The following ABCB1 variants were observed in gnomAD, a reference collection of about 807,000 sequenced individuals.
The protein encoded by ABCB1 is ATP-dependent translocase ABCB1.
In ABCB1, 69 loss-of-function variants were observed where a neutral mutation model predicts 142.0. The ratio of observed to expected loss-of-function variants is 0.49; its 90% CI spans 0.40 to 0.59. ABCB1 has a LOEUF of 0.59. Ranked by LOEUF, ABCB1 falls within the 20% of genes least tolerant of loss-of-function variation. The pLI is 0.00. For missense variants in ABCB1, 1,326 were observed against 1,554.7 expected (o/e 0.85, Z 2.47); for synonymous variants, 532 against 539.2 (o/e 0.99, Z 0.18).
At chr7:87,689,983 T>C (rs1400726646) in intron 1 of ABCB1, among the ~76,000 whole-genome samples, 2 of 151,732 alleles carry the variant, frequency 1.3e-5, no homozygotes, top group Non-Finnish European at 2.9e-5. Context: ...CTGTCATAGA[T>C]TTTTTTTTAA....
chr7:87,631,861 A>T (rs542152354), intron 1 of ABCB1, among the ~76,000 whole-genome samples: 1 of 152,308 alleles, frequency 6.6e-6, no homozygotes, highest in Admixed American at 6.5e-5. Flanking sequence ...TCTGTAAAAT[A>T]ATATTGGACT....
At chr7:87,658,898 G>C (rs529143389) in intron 1 of ABCB1, among the ~76,000 whole-genome samples, 18 of 152,242 alleles carry the variant, frequency 1.2e-4, no homozygotes, top group African/African-American at 4.1e-4. Context: ...ATAAAAGAAA[G>C]AACTTTAGGC....
intron 25 of ABCB1, among the ~76,000 whole-genome samples, chr7:87,509,819 A>G (rs1814926077): frequency 6.6e-6 from 1 of 152,210 alleles, no homozygotes; most frequent in Non-Finnish European, 1.5e-5. Flanking sequence ...AGTAGATGTA[A>G]GGTTGCTAAT....
At position 87,555,405 on chromosome 7, in the gene ABCB1, C is replaced by T; in HGVS notation, c.828-1473G>A. ...TCACAACTATATAAATATTATATAG[C>T]ATTATATTAATTTCCTTTGGAGAAC... On this transcript the variant is annotated intron_variant, in intron 8 of 27. Transcript: ENST00000622132. Among the ~76,000 whole-genome samples the T allele has an allele frequency of 2.0e-5, 3 of 152,216 alleles. No individual in the cohort carries two copies. The East Asian group carries it at 5.8e-4, about 29-fold the overall frequency.
chr7:87,569,208 C>T (rs1817926953), intron 5 of ABCB1, among the ~76,000 whole-genome samples: 1 of 151,906 alleles, frequency 6.6e-6, no homozygotes, highest in African/African-American at 2.4e-5. Flanking sequence ...TGACACACGC[C>T]TGTAATCCCA....
intron 1 of ABCB1, among the ~76,000 whole-genome samples, chr7:87,635,137 A>G (rs946612577): frequency 1.3e-5 from 2 of 152,178 alleles, no homozygotes; most frequent in African/African-American, 4.8e-5. Context: ...TTTGAAGCTT[A>G]CCCACTCTTC....
In ABCB1 at chr7:87,627,148, C is replaced by A. The variant is rs1820712593; in HGVS notation, c.-330-26070G>T. Among the ~76,000 whole-genome samples, 3 of 152,162 alleles carry A rather than the reference C, an allele frequency of 2.0e-5. No individual in the cohort carries two copies. In the East Asian group the frequency reaches 5.8e-4, roughly 29 times the overall value. ...GTAGCTGAAAAGGATGATTTTTTGA[C>A]TATTTTAAATAGAGATTTTTAAACT... On this transcript the variant is annotated intron_variant, in intron 1 of 28. Transcript: ENST00000265724.
rs41309225 is a variant in ABCB1, at chr7:87,509,469, T to G, written c.3295A>C (p.Lys1099Gln). ...TGAACATTCAGTCGCTTTATTTCTTTGCCATCAAGCAGCTGAAAACAAGAG... is the reference window on the plus strand; with the variant it reads ...TGAACATTCAGTCGCTTTATTTCTTGGCCATCAAGCAGCTGAAAACAAGAG... ...PLAGKVLLDG[K>Q]EIKRLNVQWL... Residue 1099 changes from lysine (K) to glutamine (Q), a missense_variant, in exon 26 of 28, where the codon AAA becomes CAA. Physicochemically the swap from Lys to Gln is moderately conservative, Grantham distance 53. Transcript: ENST00000622132. 1 of 1,614,114 alleles carries G rather than the reference T, an allele frequency of 6.2e-7. No individual in the cohort carries two copies. Among genetic ancestry groups the G allele is most frequent in the South Asian group, 1.1e-5 (1 of 91,078 alleles).
chr7:87,580,105 A>C (rs1818447859), intron 4 of ABCB1, among the ~76,000 whole-genome samples: 1 of 152,128 alleles, frequency 6.6e-6, no homozygotes, highest in South Asian at 2.1e-4. Flanking sequence ...GTGTTGTAAT[A>C]TTCTGTGTTT....
At chr7:87,655,074 G>A (rs1439610916) in intron 1 of ABCB1, among the ~76,000 whole-genome samples, 3 of 152,082 alleles carry the variant, frequency 2.0e-5, no homozygotes, top group Admixed American at 1.3e-4. Context: ...AACCCTTGTA[G>A]TAGGAATGTA....
intron 25 of ABCB1, 78 bp from the exon 26 acceptor site, chr7:87,509,559 C>A: frequency 6.9e-7 from 1 of 1,458,328 alleles, no homozygotes; most frequent in Non-Finnish European, 9.5e-7. Flanking sequence ...TTATTTCTTA[C>A]ACTGAAACTG....
chr7:87,668,892 C>T (rs1363557088), intron 1 of ABCB1, among the ~76,000 whole-genome samples: 1 of 151,936 alleles, frequency 6.6e-6, no homozygotes, highest in Non-Finnish European at 1.5e-5. Flanking sequence ...TGTTTTATTC[C>T]AATTATTTGG....
intron 1 of ABCB1, among the ~76,000 whole-genome samples, chr7:87,683,215 A>T (rs1827103300): frequency 6.6e-6 from 1 of 152,200 alleles, no homozygotes; most frequent in Non-Finnish European, 1.5e-5. Flanking sequence ...GCTTAAGAGA[A>T]TGTTGTGGCT....
In ABCB1 at chr7:87,687,036, G is replaced by GA. The variant is rs529722991; in HGVS notation, c.-331+26124dup. Among the ~76,000 whole-genome samples the GA allele has an allele frequency of 4.0e-5, 6 of 151,776 alleles. No homozygotes were observed. The East Asian group carries it at 7.7e-4, about 20-fold the overall frequency. On this transcript the variant is annotated intron_variant, in intron 1 of 28. Coordinates refer to the ABCB1 transcript ENST00000265724. ...AATTAGAAATGTAGCACTTATTAAA[G>GA]AAAAAATGATTAAATGTAAGACACT... is the stretch of plus-strand genomic sequence containing the variant.
chr7:87,585,537 A>T lies in ABCB1; in HGVS notation c.261T>A (p.Asp87Glu), dbSNP rs1266957400. The T allele has an allele frequency of 1.9e-6, 3 of 1,613,800 alleles. No homozygotes were observed. The East Asian group carries it at 6.7e-5, about 36-fold the overall frequency. Residue 87 changes from aspartate to glutamate, a missense_variant, in exon 4 of 28, where the codon GAT becomes GAA. Coordinates refer to ENST00000622132, the MANE Select transcript of ABCB1 (RefSeq NM_001348946.2). ...TTCTATTAGTGATGTTTGACATCAG[A>T]TCTTCTAAATTTCCTGCATTTGCAA... ...DIFANAGNLE[D>E]LMSNITNRSD...
At chr7:87,543,466 G>T (rs1046424523) in intron 17 of ABCB1, among the ~76,000 whole-genome samples, 1 of 152,072 alleles carries the variant, frequency 6.6e-6, no homozygotes, top group Non-Finnish European at 1.5e-5. Flanking sequence ...GCTTCTTGTG[G>T]TGATCAATCT....
At chr7:87,619,335 T>C (rs548155962) in intron 1 of ABCB1, among the ~76,000 whole-genome samples, 1 of 152,208 alleles carries the variant, frequency 6.6e-6, no homozygotes, top group Admixed American at 6.5e-5. Flanking sequence ...GGTCATGAGT[T>C]TGAGACCAGC....
At chr7:87,636,879 T>C (rs1278176255) in intron 1 of ABCB1, among the ~76,000 whole-genome samples, 2 of 152,160 alleles carry the variant, frequency 1.3e-5, no homozygotes, top group African/African-American at 4.8e-5. Context: ...TTTAATTGAT[T>C]CATTGGTCTG....
rs1207623846 is a variant in ABCB1, at chr7:87,560,381, A to T, written c.827+882T>A. On this transcript the variant is annotated intron_variant, in intron 8 of 27. Coordinates refer to ENST00000622132, the MANE Select transcript of ABCB1 (RefSeq NM_001348946.2). ...CCAAACACATATGCACAGTTAAAAAAATTATGCAATGAATACTCATGTAAG... is the reference window on the plus strand; with the variant it reads ...CCAAACACATATGCACAGTTAAAAATATTATGCAATGAATACTCATGTAAG... Among the ~76,000 whole-genome samples the T allele has an allele frequency of 5.3e-5, 8 of 152,190 alleles. No homozygotes were observed. In the East Asian group the frequency reaches 1.5e-3, roughly 29 times the overall value.
Sources: gnomAD v4.1 joint callset for allele counts (sites outside exome capture counted in the v4.1 genomes callset) on GRCh38, gnomAD v4.1.1 for gene constraint, MANE v1.5 for transcripts, NCBI Gene and HGNC (gene_info 2026-07-23, HGNC 2026-07-21) for gene names.